The following PKP2 variants were observed in gnomAD, a reference collection of about 807,000 sequenced individuals.
The protein encoded by PKP2 is plakophilin 2, also known as plakophilin-2.
PKP2 carries 73 observed loss-of-function variants against 83.4 expected under a neutral mutation model. The ratio of observed to expected loss-of-function variants is 0.88; its 90% confidence interval spans 0.72 to 1.06. The LOEUF (loss-of-function observed/expected upper bound fraction) is 1.06. Ranked by LOEUF, PKP2 falls within the 50% of genes least tolerant of loss-of-function variation. The probability of loss-of-function intolerance (pLI) is 0.00; values close to 1 mark genes in which losing one functional copy is unlikely to be tolerated. For missense variants in PKP2, 966 were observed against 1,065.4 expected (o/e 0.91, Z 1.30); for synonymous variants, 409 against 430.4 (o/e 0.95, Z 0.62).
intron 9 of PKP2, among the ~76,000 whole-genome samples, chr12:32,807,197 GAGTTCTGTAGAT>G (rs1407155534): frequency 6.6e-6 from 1 of 152,192 alleles, no homozygotes; most frequent in African/African-American, 2.4e-5. Flanking sequence ...TTTTGGTGGA[GAGTTCTGTAGAT>G]ATCTATCAGG....
chr12:32,850,815 G>A lies in PKP2; in HGVS notation c.1329C>T (p.Leu443=). ...VAELNGVPRL[L]QVLKQTRDLE... is the part of the protein sequence containing the mutation. Reference sequence around the variant, plus strand: ...AGTCTCTGGTTTGCTTCAGCACCTGGAGCAGCCGAGGTACCCCATTTAGTT... The same window carrying A: ...AGTCTCTGGTTTGCTTCAGCACCTGAAGCAGCCGAGGTACCCCATTTAGTT... Residue 443 remains leucine (L), a synonymous_variant, in exon 5 of 13, where the codon CTC becomes CTT. Coordinates refer to ENST00000340811, the MANE Select transcript of PKP2 (RefSeq NM_001005242.3). The A allele has an allele frequency of 1.9e-6, 3 of 1,613,448 alleles. No homozygotes were observed. The highest frequency in any genetic ancestry group is 4.5e-5 in the East Asian group (2 of 44,862).
In PKP2 at chr12:32,793,613, C is replaced by CTTTTTTTTTT. The variant is rs35990527; in HGVS notation, c.2358-892_2358-883dup. On this transcript the variant is annotated intron_variant, in intron 11 of 12. Coordinates refer to ENST00000340811, the MANE Select transcript of PKP2 (RefSeq NM_001005242.3). ...ACTGTACTTAGTCTTTCATATTCTG[C>CTTTTTTTTTT]TTTTTTTTTTTTTTTTTTTTTTTTG... 2.6e-3 allele frequency among the ~76,000 whole-genome samples: 197 copies of CTTTTTTTTTT among 76,732 alleles called. 14 individuals are homozygous for CTTTTTTTTTT. Among genetic ancestry groups the CTTTTTTTTTT allele is most frequent in the African/African-American group, 4.5e-3 (79 of 17,394 alleles). 50.3% of individuals were successfully genotyped at this position (76,732 alleles called of 152,430 possible).
Position 32,821,368 on chromosome 12 carries a change from G to A in PKP2, c.2001C>T (p.Ala667=), listed in dbSNP as rs529442984. The A allele has an allele frequency of 1.8e-4, 294 of 1,613,964 alleles. 7 individuals carry two copies. The South Asian group carries it at 2.9e-3, about 16-fold the overall frequency. ...GCCCAATACTCACTGGTCCACTTCC[G>A]GCCGTGAGGTTCTGCAGAGCTCCTA... The part of the protein sequence containing the change: ...ASLGALQNLT[A]GSGPMPTSVA... The change falls in exon 9 of 13, where the codon GCC becomes GCT. Residue 667 remains alanine, a synonymous_variant. Coordinates refer to ENST00000340811, the MANE Select transcript of PKP2 (RefSeq NM_001005242.3).
At chr12:32,846,292 T>G (rs1956644172) in intron 5 of PKP2, among the ~76,000 whole-genome samples, 1 of 152,034 alleles carries the variant, frequency 6.6e-6, no homozygotes, top group Non-Finnish European at 1.5e-5. Context: ...ACGGGAACAC[T>G]ACCACGCTCA....
chr12:32,820,428 G>A (rs879627735), intron 9 of PKP2: 1 of 152,084 alleles, frequency 6.6e-6, no homozygotes. Context: ...ACATGGGGAA[G>A]GGAATAACCT....
At chr12:32,844,597 CT>C (rs1956630381) in intron 5 of PKP2, among the ~76,000 whole-genome samples, 1 of 152,142 alleles carries the variant, frequency 6.6e-6, no homozygotes, top group Admixed American at 6.6e-5. Flanking sequence ...TTTTGGCTCA[CT>C]GAAAGTATAA....
At chr12:32,850,298 A>G (rs1342586004) in intron 5 of PKP2, among the ~76,000 whole-genome samples, 5 of 152,212 alleles carry the variant, frequency 3.3e-5, no homozygotes, top group Admixed American at 6.5e-5. Flanking sequence ...TCATGCCTGT[A>G]ATCCCAGCAC....
rs1365585383 is a variant in PKP2, at chr12:32,857,939, G to A, written c.1171-6966C>T. Among the ~76,000 whole-genome samples, 9 of 149,462 alleles carry A rather than the reference G, an allele frequency of 6.0e-5. No homozygotes were observed. In the East Asian group the frequency reaches 7.9e-4, roughly 13 times the overall value. Reference sequence around the variant, plus strand: ...AATGATGCCCAGTTTTTAAAAACTGGGAATAGGCCCTGGTGTGGTGGCTCA... The same window carrying A: ...AATGATGCCCAGTTTTTAAAAACTGAGAATAGGCCCTGGTGTGGTGGCTCA... On this transcript the variant is annotated intron_variant, in intron 4 of 12. Coordinates refer to ENST00000340811, the MANE Select transcript of PKP2 (RefSeq NM_001005242.3).
chr12:32,835,555 A>G (rs1956538661), intron 6 of PKP2, among the ~76,000 whole-genome samples: 1 of 4,692 alleles, frequency 2.1e-4, no homozygotes, highest in African/African-American at 4.2e-4. Context: ...AAAAAGAAAA[A>G]GAGGAAAAAA....
intron 4 of PKP2, among the ~76,000 whole-genome samples, chr12:32,866,952 AAAT>A (rs1167414592): frequency 6.6e-6 from 1 of 152,204 alleles, no homozygotes; most frequent in Non-Finnish European, 1.5e-5. Context: ...ACTCTGAGTA[AAAT>A]AATTCAAACC....
chr12:32,877,752 T>C, intron 3 of PKP2, 94 bp downstream of exon 3: 1 of 915,922 alleles, frequency 1.1e-6, no homozygotes, highest in South Asian at 1.4e-5. Context: ...GAAGCCCTTC[T>C]CTCAAGCCCC....
intron 4 of PKP2, among the ~76,000 whole-genome samples, chr12:32,858,522 A>G (rs775924199): frequency 2.0e-5 from 3 of 152,074 alleles, no homozygotes; most frequent in East Asian, 1.9e-4. Flanking sequence ...TAATTATACA[A>G]CTTTTGAAAC....
At chr12:32,800,410 T>C (rs976851043) in intron 10 of PKP2, among the ~76,000 whole-genome samples, 2 of 152,220 alleles carry the variant, frequency 1.3e-5, no homozygotes, top group African/African-American at 4.8e-5. Flanking sequence ...CTGGACCTGA[T>C]TGACAGGTAA....
At chr12:32,795,322 T>C (rs1351427760) in intron 11 of PKP2, among the ~76,000 whole-genome samples, 2 of 151,724 alleles carry the variant, frequency 1.3e-5, no homozygotes, top group African/African-American at 2.4e-5. Flanking sequence ...AAAGCAAGAC[T>C]TTCTCATCAG....
At chr12:32,847,527 G>GACAC (rs138388923) in intron 5 of PKP2, among the ~76,000 whole-genome samples, 2 of 151,194 alleles carry the variant, frequency 1.3e-5, no homozygotes, top group Non-Finnish European at 3.0e-5. Context: ...TTGTTCCCTT[G>GACAC]ACACACACAC....
Position 32,790,822 on chromosome 12 carries a change from T to TTTA in PKP2, c.*1599_*1601dup, listed in dbSNP as rs1292367808. 1.3e-5 allele frequency: 2 copies of TTTA among 152,182 alleles called. 1 individual carries two copies. Among genetic ancestry groups the TTTA allele is most frequent in the Non-Finnish European group, 2.9e-5 (2 of 68,018 alleles). The allele number at this position is 152,182 out of a possible 1,614,324, so 9.4% of individuals were successfully genotyped here. A position where few individuals can be genotyped will look rare whatever the true frequency, so the allele number is the denominator to read the frequency against. ...AAACACAAAAAGTTCTGAACACACATTTATTATCTGGAGGAATAAATGCAC... is the reference window on the plus strand; with the variant it reads ...AAACACAAAAAGTTCTGAACACACATTTATTATTATCTGGAGGAATAAATGCAC... On this transcript the variant is annotated 3_prime_UTR_variant, in exon 13 of 13. Transcript: ENST00000340811.
intron 4 of PKP2, among the ~76,000 whole-genome samples, chr12:32,858,520 CA>C (rs1451529429): frequency 6.6e-6 from 1 of 151,930 alleles, no homozygotes; most frequent in African/African-American, 2.4e-5. Context: ...CATAATTATA[CA>C]ACTTTTGAAA....
intron 10 of PKP2, among the ~76,000 whole-genome samples, chr12:32,799,047 G>C (rs76600941): frequency 2.0e-5 from 3 of 151,988 alleles, no homozygotes; most frequent in Non-Finnish European, 4.4e-5. Flanking sequence ...GAATCTACAA[G>C]GATCTCAAAA....
chr12:32,858,085 AT>A (rs1200300321), intron 4 of PKP2, among the ~76,000 whole-genome samples: 7,294 of 42,016 alleles, frequency 0.17, 688 homozygotes, highest in Admixed American at 0.21. Context: ...AAAAAAAAAA[AT>A]ATATATATAT....
Sources: gnomAD v4.1 joint callset for allele counts (sites outside exome capture counted in the v4.1 genomes callset) on GRCh38, gnomAD v4.1.1 for gene constraint, MANE v1.5 for transcripts, NCBI Gene and HGNC (gene_info 2026-07-23, HGNC 2026-07-21) for gene names.